Variants in ARIH1 observed in about 807,000 individuals in gnomAD.
The protein encoded by ARIH1 is E3 ubiquitin-protein ligase ARIH1.
A neutral mutation model predicts 85.0 loss-of-function variants in ARIH1; 8 were observed. That is an observed-to-expected ratio of 0.09 (90% CI 0.06 to 0.17). The LOEUF (loss-of-function observed/expected upper bound fraction) is 0.17, where lower values mean the gene tolerates loss of function less well. ARIH1 is among the 10% of genes least tolerant of loss of function. The pLI is 1.00. For missense variants in ARIH1, 311 were observed against 718.1 expected (o/e 0.43, Z 6.48); for synonymous variants, 238 against 253.6 (o/e 0.94, Z 0.59).
At position 72,546,717 on chromosome 15, in the gene ARIH1, G is replaced by A. The variant is rs544200093; in HGVS notation, c.588+1753G>A. Among the ~76,000 whole-genome samples, 5 of 151,646 alleles carry A rather than the reference G, an allele frequency of 3.3e-5. No homozygotes were observed. The South Asian group carries it at 6.3e-4, about 19-fold the overall frequency. On this transcript the variant is annotated intron_variant, in intron 3 of 13. Transcript: ENST00000379887. The stretch of plus-strand genomic sequence containing the variant: ...GTTTGTTTGTTTTTTTTGTAGAGAC[G>A]GGGTTTCACCTGTGTGTGTGTGTTT...
chr15:72,512,039 T>C (rs1301815476), intron 1 of ARIH1, among the ~76,000 whole-genome samples: 4 of 152,162 alleles, frequency 2.6e-5, no homozygotes, highest in Non-Finnish European at 5.9e-5. Context: ...GGTGTAATTA[T>C]CCTTTTTATA....
chr15:72,485,113 T>C (rs1339171526), intron 1 of ARIH1, among the ~76,000 whole-genome samples: 1 of 152,230 alleles, frequency 6.6e-6, no homozygotes, highest in South Asian at 2.1e-4. Flanking sequence ...TTTTTGATTA[T>C]AGCCATTCTT....
intron 3 of ARIH1, among the ~76,000 whole-genome samples, chr15:72,546,086 T>C (rs989529065): frequency 6.6e-6 from 1 of 152,182 alleles, no homozygotes; most frequent in African/African-American, 2.4e-5. Flanking sequence ...TGGAGTGTTA[T>C]GGCTATTCAC....
intron 2 of ARIH1, among the ~76,000 whole-genome samples, chr15:72,534,608 G>A (rs1212048912): frequency 2.0e-5 from 3 of 152,086 alleles, no homozygotes; most frequent in Non-Finnish European, 2.9e-5. Context: ...TTTTCTCACT[G>A]CTCTCCTAGG....
At chr15:72,512,134 G>A (rs546179880) in intron 1 of ARIH1, among the ~76,000 whole-genome samples, 1 of 151,902 alleles carries the variant, frequency 6.6e-6, no homozygotes, top group South Asian at 2.1e-4. Flanking sequence ...TGTCTTTGTC[G>A]GATTTTGATA....
rs2064320021 is a variant in ARIH1 at position 72,587,033 on chromosome 15, A to G, written c.*3741A>G. 8.2e-6 allele frequency: 3 copies of G among 366,682 alleles called. No individual in the cohort carries two copies. Among genetic ancestry groups the G allele is most frequent in the Middle Eastern group, 9.5e-4 (1 of 1,052 alleles). 22.7% of individuals were successfully genotyped at this position (366,682 alleles called of 1,614,324 possible). The stretch of plus-strand genomic sequence containing the variant: ...GATACTCTGGCCAAGTCCAGGTTTT[A>G]GGACAATTTAATTTACTCTTATTTG... On this transcript the variant is annotated 3_prime_UTR_variant, in exon 14 of 14. Transcript: ENST00000379887.
chr15:72,522,290 G>GCTCACGTGAGGCCAGGGAAGGCAC (rs1318130672), intron 2 of ARIH1, among the ~76,000 whole-genome samples: 3 of 152,198 alleles, frequency 2.0e-5, no homozygotes, highest in Non-Finnish European at 2.9e-5. Context: ...AGGGAAGGCA[G>GCTCACGTGAGGCCAGGGAAGGCAC]CTCACATGAG....
At chr15:72,517,189 A>C (rs985247758) in intron 1 of ARIH1, among the ~76,000 whole-genome samples, 2 of 152,150 alleles carry the variant, frequency 1.3e-5, no homozygotes, top group Non-Finnish European at 2.9e-5. Flanking sequence ...GTATTTTTTC[A>C]TTTTGGTTAA....
chr15:72,534,733 G>A (rs1261479843), intron 2 of ARIH1, among the ~76,000 whole-genome samples: 2 of 152,046 alleles, frequency 1.3e-5, no homozygotes, highest in East Asian at 3.9e-4. Flanking sequence ...CGGATTTGGG[G>A]TTTGAAAACC....
chr15:72,513,795 C>G (rs1595857940), intron 1 of ARIH1, among the ~76,000 whole-genome samples: 1 of 6,394 alleles, frequency 1.6e-4, no homozygotes, highest in Non-Finnish European at 2.2e-3. Flanking sequence ...CCCTCCCCCT[C>G]TCCCTCCTTC....
At chr15:72,486,274 T>C (rs1444161656) in intron 1 of ARIH1, among the ~76,000 whole-genome samples, 1 of 152,124 alleles carries the variant, frequency 6.6e-6, no homozygotes. Flanking sequence ...AATTTGTAAG[T>C]TTTAAATTGT....
chr15:72,504,717 G>A (rs1184868091), intron 1 of ARIH1, among the ~76,000 whole-genome samples: 1 of 152,128 alleles, frequency 6.6e-6, no homozygotes, highest in African/African-American at 2.4e-5. Context: ...ATCGGCAGAC[G>A]GAAGTTCTCA....
intron 6 of ARIH1, among the ~76,000 whole-genome samples, chr15:72,561,960 G>A (rs57769940): frequency 0.038 from 5,794 of 152,212 alleles, 329 homozygotes; most frequent in African/African-American, 0.13. Context: ...GTGACAGAGC[G>A]AGACTCCCTC....
At chr15:72,490,263 C>T (rs2063853841) in intron 1 of ARIH1, among the ~76,000 whole-genome samples, 1 of 151,846 alleles carries the variant, frequency 6.6e-6, no homozygotes, top group African/African-American at 2.4e-5. Context: ...AAAAAGTCTC[C>T]TTCTCTTACA....
chr15:72,529,725 A>G (rs1233748478), intron 2 of ARIH1, among the ~76,000 whole-genome samples: 1 of 152,150 alleles, frequency 6.6e-6, no homozygotes, highest in African/African-American at 2.4e-5. Context: ...GGCAGAAGTG[A>G]TATGGGAACC....
intron 1 of ARIH1, among the ~76,000 whole-genome samples, chr15:72,481,120 A>G (rs563845470): frequency 2.0e-5 from 3 of 152,294 alleles, no homozygotes; most frequent in African/African-American, 7.2e-5. Flanking sequence ...AGTGTTTGAT[A>G]TAGTTTAGAT....
At chr15:72,521,224 A>G (rs374132749) in intron 2 of ARIH1, among the ~76,000 whole-genome samples, 3 of 105,168 alleles carry the variant, frequency 2.9e-5, no homozygotes, top group African/African-American at 1.1e-4. Flanking sequence ...TTTTCTGGCT[A>G]ATTCGCTTTT....
intron 1 of ARIH1, among the ~76,000 whole-genome samples, chr15:72,486,303 T>A (rs890185416): frequency 6.6e-6 from 1 of 152,200 alleles, no homozygotes; most frequent in African/African-American, 2.4e-5. Context: ...CTGAGTAGTG[T>A]GATGAAATCT....
chr15:72,510,243 A>G (rs1198856484), intron 1 of ARIH1, among the ~76,000 whole-genome samples: 2 of 152,106 alleles, frequency 1.3e-5, no homozygotes, highest in Admixed American at 6.5e-5. Context: ...ATCTTCTCCT[A>G]GTCTGTGGTA....
Sources: allele counts gnomAD v4.1 joint callset (sites outside exome capture counted in the v4.1 genomes callset), GRCh38; gene constraint gnomAD v4.1.1; transcripts MANE v1.5; gene names NCBI Gene and HGNC (gene_info 2026-07-23, HGNC 2026-07-21).